The following MMS22L variants were observed in gnomAD, a reference collection of about 807,000 sequenced individuals.
The protein encoded by MMS22L is MMS22 like, DNA repair protein, also known as protein MMS22-like.
In MMS22L, 74 loss-of-function variants were observed where a neutral mutation model predicts 159.1. The ratio of observed to expected loss-of-function variants is 0.47; its 90% CI spans 0.39 to 0.56. The LOEUF is 0.56. MMS22L is among the 20% of genes least tolerant of loss of function. The pLI is 0.00. For missense variants in MMS22L, 1,351 were observed against 1,422.1 expected, an observed-to-expected ratio of 0.95 and a Z score of 0.80; for synonymous variants, 517 against 506.9, an observed-to-expected ratio of 1.02 and a Z score of -0.27.
intron 20 of MMS22L, among the ~76,000 whole-genome samples, chr6:97,166,222 A>G (rs1802945505): frequency 6.6e-6 from 1 of 152,110 alleles, no homozygotes; most frequent in South Asian, 2.1e-4. Context: ...TTAAACCAAT[A>G]CTCTGAGAGA....
In MMS22L at chr6:97,149,939, C is replaced by T. The variant is rs775112985; in HGVS notation, c.3564G>A (p.Gln1188=). Residue 1188 remains glutamine (Q), a synonymous_variant, in exon 24 of 25, where the codon CAG becomes CAA. Transcript: ENST00000683635. Reference sequence around the variant, plus strand: ...GGGTAGAAATCAAGTGGATGACAACCTGCTGGTCCAATGTTGCTACTGTTT... The same window carrying T: ...GGGTAGAAATCAAGTGGATGACAACTTGCTGGTCCAATGTTGCTACTGTTT... The part of the protein sequence containing the change: ...ILETVATLDQ[Q]VVIHLISTLT... The T allele has an allele frequency of 1.8e-5, 29 of 1,613,542 alleles. No homozygotes were observed. In the East Asian group the frequency reaches 6.2e-4, roughly 35 times the overall value.
At chr6:97,217,503 C>T (rs966723754) in intron 14 of MMS22L, among the ~76,000 whole-genome samples, 6 of 152,128 alleles carry the variant, frequency 3.9e-5, no homozygotes, top group Middle Eastern at 3.2e-3. Context: ...GATCTGCCTG[C>T]CTCAGACTCC....
intron 14 of MMS22L, among the ~76,000 whole-genome samples, chr6:97,210,429 AAAACAGT>A (rs1457698815): frequency 3.3e-5 from 5 of 151,960 alleles, no homozygotes; most frequent in Admixed American, 3.3e-4. Flanking sequence ...AATGCCATAA[AAAACAGT>A]AAGAGAAAAG....
At chr6:97,201,410 A>T (rs1312203745) in intron 14 of MMS22L, among the ~76,000 whole-genome samples, 1 of 152,130 alleles carries the variant, frequency 6.6e-6, no homozygotes, top group Non-Finnish European at 1.5e-5. Flanking sequence ...CAGTGGAGCT[A>T]ATTTTCTGTC....
chr6:97,161,991 TACAA>T lies in MMS22L; in HGVS notation c.3385+7_3385+10del. On this transcript the variant is annotated splice_region_variant and intron_variant, in intron 22 of 24. Coordinates refer to ENST00000683635, the MANE Select transcript of MMS22L (RefSeq NM_001350599.2). ...AAGAAAATGGTAACAAAAATAAGCT[TACAA>T]ACAAACCTTGTGGTTCACTGACTAA... The T allele has an allele frequency of 6.2e-7, 1 of 1,600,968 alleles. No individual in the cohort carries two copies. Among genetic ancestry groups the T allele is most frequent in the Non-Finnish European group, 8.5e-7 (1 of 1,176,268 alleles).
chr6:97,254,872 A>C lies in MMS22L; in HGVS notation c.943-139T>G, dbSNP rs116372031. The stretch of plus-strand genomic sequence containing the variant: ...TAAAACTGAAATAATAAAAATGCCC[A>C]GGTTAAGAATCAGAACATAAATAGT... On this transcript the variant is annotated intron_variant, in intron 9 of 24. Transcript: ENST00000683635. 3,623 of 647,186 alleles carry C rather than the reference A, an allele frequency of 5.6e-3. 104 individuals are homozygous for C. The African/African-American group carries it at 0.061, about 11-fold the overall frequency. The allele number at this position is 647,186 out of a possible 1,614,324, so 40.1% of individuals were successfully genotyped here.
chr6:97,225,278 T>C (rs575291342), intron 14 of MMS22L, among the ~76,000 whole-genome samples: 2 of 152,304 alleles, frequency 1.3e-5, no homozygotes, highest in African/African-American at 4.8e-5. Context: ...TTCTTTGTAT[T>C]TTTAATGTCT....
At chr6:97,199,590 C>G (rs2473108) in intron 14 of MMS22L, among the ~76,000 whole-genome samples, 1 of 151,730 alleles carries the variant, frequency 6.6e-6, no homozygotes, top group Non-Finnish European at 1.5e-5. Flanking sequence ...ATCCTCAACA[C>G]TTCTCTCACA....
intron 14 of MMS22L, among the ~76,000 whole-genome samples, chr6:97,227,997 C>G (rs981810572): frequency 6.6e-6 from 1 of 152,166 alleles, no homozygotes; most frequent in African/African-American, 2.4e-5. Flanking sequence ...ATAGAATTAT[C>G]TATGTTAATT....
At chr6:97,275,533 A>G (rs1340968108) in intron 4 of MMS22L, among the ~76,000 whole-genome samples, 1 of 152,120 alleles carries the variant, frequency 6.6e-6, no homozygotes, top group Non-Finnish European at 1.5e-5. Context: ...CTCAAAAAGA[A>G]GAATTATTAA....
intron 12 of MMS22L, among the ~76,000 whole-genome samples, chr6:97,232,092 AT>A (rs1455451594): frequency 6.6e-6 from 1 of 151,950 alleles, no homozygotes; most frequent in Admixed American, 6.6e-5. Flanking sequence ...TTTTCTGTAA[AT>A]TGGTGGCTAT....
intron 15 of MMS22L, among the ~76,000 whole-genome samples, chr6:97,185,984 G>A (rs1282446752): frequency 1.3e-5 from 2 of 151,740 alleles, no homozygotes; most frequent in Admixed American, 6.6e-5. Context: ...TAAAGCCTAA[G>A]GACATGTCTT....
chr6:97,233,753 C>T, intron 12 of MMS22L, 108 bp downstream of exon 12: 1 of 1,259,456 alleles, frequency 7.9e-7, no homozygotes, highest in South Asian at 1.9e-5. Context: ...AAAAAATTAA[C>T]TTTTTAAGAA....
chr6:97,211,024 T>G (rs1808318349), intron 14 of MMS22L, among the ~76,000 whole-genome samples: 1 of 151,988 alleles, frequency 6.6e-6, no homozygotes, highest in Non-Finnish European at 1.5e-5. Context: ...TGCTTTCTAC[T>G]ATACTATAAG....
chr6:97,175,740 C>A (rs1305732787), intron 18 of MMS22L, among the ~76,000 whole-genome samples: 1 of 152,178 alleles, frequency 6.6e-6, no homozygotes, highest in Non-Finnish European at 1.5e-5. Flanking sequence ...CTCTCAAGAT[C>A]ACGATGACAA....
At chr6:97,239,325 A>C (rs1045166660) in intron 11 of MMS22L, among the ~76,000 whole-genome samples, 7 of 152,204 alleles carry the variant, frequency 4.6e-5, no homozygotes, top group Admixed American at 4.6e-4. Context: ...AACCTTTATA[A>C]AACTAAAAAT....
intron 7 of MMS22L, among the ~76,000 whole-genome samples, chr6:97,268,586 AAG>A (rs879525251): frequency 4.6e-5 from 7 of 152,170 alleles, no homozygotes; most frequent in Admixed American, 4.6e-4. Flanking sequence ...TTAAAAAAAA[AAG>A]AGAGAGAACA....
chr6:97,213,733 C>T (rs757667208), intron 14 of MMS22L, among the ~76,000 whole-genome samples: 1 of 152,030 alleles, frequency 6.6e-6, no homozygotes, highest in East Asian at 1.9e-4. Context: ...AGAAATTACA[C>T]TGAAAATGTT....
intron 4 of MMS22L, among the ~76,000 whole-genome samples, chr6:97,276,806 T>G (rs1418006272): frequency 6.6e-6 from 1 of 152,232 alleles, no homozygotes; most frequent in East Asian, 1.9e-4. Flanking sequence ...GACAAAGCCC[T>G]TGGCTTCCAC....
Sources: allele counts gnomAD v4.1 joint callset (sites outside exome capture counted in the v4.1 genomes callset), GRCh38; gene constraint gnomAD v4.1.1; transcripts MANE v1.5; gene names NCBI Gene and HGNC (gene_info 2026-07-23, HGNC 2026-07-21).